The following ESRRB variants were observed in gnomAD, a reference collection of about 807,000 sequenced individuals.
ESRRB encodes estrogen related receptor beta, also known as steroid hormone receptor ERR2.
A neutral mutation model predicts 46.0 loss-of-function variants in ESRRB; 16 were observed. That is an observed-to-expected ratio of 0.35 (90% CI 0.24 to 0.53). ESRRB has a LOEUF of 0.53. Ranked by LOEUF, ESRRB falls within the 20% of genes least tolerant of loss-of-function variation. The probability of loss-of-function intolerance (pLI) is 0.93; values close to 1 mark genes in which losing one functional copy is unlikely to be tolerated. For missense variants in ESRRB, 488 were observed against 607.4 expected (o/e 0.80, Z 2.07); for synonymous variants, 246 against 259.6 (o/e 0.95, Z 0.50).
chr14:76,347,672 T>G (rs1428123108), intron 1 of ESRRB, among the ~76,000 whole-genome samples: 1 of 100,010 alleles, frequency 1.0e-5, no homozygotes, highest in Non-Finnish European at 2.1e-5. Flanking sequence ...TTGTCCAAAG[T>G]TGTACAGCTA....
At position 76,455,175 on chromosome 14, in the gene ESRRB, C is replaced by T. The variant is rs187391475; in HGVS notation, c.461-7370C>T. On this transcript the variant is annotated intron_variant, in intron 2 of 6. Coordinates refer to ENST00000644823, the MANE Select transcript of ESRRB (RefSeq NM_001379180.1). Reference sequence around the variant, plus strand: ...GAGGCTGCAGTGAGCCAAGATTATGCCACTGTCCTCCAGCCTGGGCGACAG... The same window carrying T: ...GAGGCTGCAGTGAGCCAAGATTATGTCACTGTCCTCCAGCCTGGGCGACAG... Among the ~76,000 whole-genome samples the T allele has an allele frequency of 1.1e-3, 164 of 152,260 alleles. 1 individual carries two copies. In the East Asian group the frequency reaches 0.021, roughly 20 times the overall value.
chr14:76,336,075 G>A (rs773317319), intron 1 of ESRRB, among the ~76,000 whole-genome samples: 7 of 152,178 alleles, frequency 4.6e-5, no homozygotes, highest in Non-Finnish European at 8.8e-5. Flanking sequence ...CTGTAAACAC[G>A]CCGTGTCATC....
At chr14:76,375,504 G>A (rs1327884473), upstream of ESRRB, among the ~76,000 whole-genome samples, 1 of 152,144 alleles carries the variant, frequency 6.6e-6, no homozygotes, top group Non-Finnish European at 1.5e-5. Flanking sequence ...CCAATGACTA[G>A]AGCATCACTT....
chr14:76,444,868 G>T (rs12435564), intron 2 of ESRRB, among the ~76,000 whole-genome samples: 11,680 of 152,082 alleles, frequency 0.077, 607 homozygotes, highest in East Asian at 0.26. Context: ...TGCTTGGAAA[G>T]CTCTGAAAAT....
intron 1 of ESRRB, among the ~76,000 whole-genome samples, chr14:76,420,974 T>G (rs996777165): frequency 1.3e-5 from 2 of 152,130 alleles, no homozygotes; most frequent in African/African-American, 4.8e-5. Flanking sequence ...CCCTGCAGTG[T>G]CTCACTGAGC....
chr14:76,376,129 T>C (rs922284674), upstream of ESRRB: 2 of 325,934 alleles, frequency 6.1e-6, no homozygotes, highest in African/African-American at 4.3e-5. This position sits in a 1 kb window ranked among gnomAD's most constrained non-coding sequence, Gnocchi z 4.1. Flanking sequence ...GTAGGGTTAG[T>C]GGGCTCCAAG....
chr14:76,450,998 T>G (rs1888360399), intron 2 of ESRRB, among the ~76,000 whole-genome samples: 1 of 152,136 alleles, frequency 6.6e-6, no homozygotes, highest in African/African-American at 2.4e-5. Context: ...AGGATGCCAG[T>G]CAGAATGTGG....
Position 76,376,451 on chromosome 14 carries a change from A to C in ESRRB, c.50A>C (p.Gln17Pro). 1 of 1,231,328 alleles carries C rather than the reference A, an allele frequency of 8.1e-7. No individual in the cohort carries two copies. The highest frequency in any genetic ancestry group is 1.0e-6 in the Non-Finnish European group (1 of 987,884). The allele number at this position is 1,231,328 out of a possible 1,614,324, so 76.3% of individuals were successfully genotyped here. Residue 17 changes from glutamine (Q) to proline (P), a missense_variant and splice_region_variant, in exon 1 of 7, where the codon CAG becomes CCG. Gln to Pro is a moderately conservative substitution (Grantham distance 76). Transcript: ENST00000644823. This position sits in a 1 kb window ranked among gnomAD's most constrained non-coding sequence, Gnocchi z 4.1. ...CCGGACCCCCTCGGCTACCACAACCAGTAGGTGCCCTGCTTCTCGGTCTGT... is the reference window on the plus strand; with the variant it reads ...CCGGACCCCCTCGGCTACCACAACCCGTAGGTGCCCTGCTTCTCGGTCTGT... ...CIPDPLGYHNQLLNRMSSDDR... is the reference protein window; with the variant it reads ...CIPDPLGYHNPLLNRMSSDDR...
upstream of ESRRB, among the ~76,000 whole-genome samples, chr14:76,372,276 G>A (rs1884643778): frequency 6.6e-6 from 1 of 152,102 alleles, no homozygotes; most frequent in South Asian, 2.1e-4. Flanking sequence ...AGTGGGCTAG[G>A]CTGTGTGTGA....
intron 1 of ESRRB, among the ~76,000 whole-genome samples, chr14:76,389,097 T>A (rs1456530866): frequency 6.6e-6 from 1 of 152,088 alleles, no homozygotes. Flanking sequence ...CATTGTTGAG[T>A]CCCCTCCTAC....
At chr14:76,403,365 A>T (rs1221730891) in intron 1 of ESRRB, among the ~76,000 whole-genome samples, 4 of 152,164 alleles carry the variant, frequency 2.6e-5, no homozygotes, top group Admixed American at 2.6e-4. Context: ...TATAGGCAAA[A>T]ACAAAACAGA....
intron 5 of ESRRB, among the ~76,000 whole-genome samples, chr14:76,489,305 G>A (rs1890128813): frequency 6.6e-6 from 1 of 151,848 alleles, no homozygotes; most frequent in Non-Finnish European, 1.5e-5. Context: ...GTTAATTAAT[G>A]TTGCCCAAGG....
At chr14:76,405,640 C>T (rs1886154212) in intron 1 of ESRRB, among the ~76,000 whole-genome samples, 1 of 151,930 alleles carries the variant, frequency 6.6e-6, no homozygotes, top group South Asian at 2.1e-4. Context: ...TCGGGATTTG[C>T]ACATGGCCTG....
chr14:76,316,492 C>T lies in ESRRB; in HGVS notation c.2+5576C>T, dbSNP rs563015908. 4.2e-3 allele frequency among the ~76,000 whole-genome samples: 638 copies of T among 151,898 alleles called. 7 individuals are homozygous for T. Among genetic ancestry groups the T allele is most frequent in the African/African-American group, 0.015 (605 of 41,388 alleles). ...ATCTCCCTTTTTGCCTCATTATTCA[C>T]CTTTGAAATTCCCCAGTGCCTAGTG... On this transcript the variant is annotated intron_variant, in intron 1 of 6. Transcript: ENST00000512784.
chr14:76,486,352 A>G (rs1248138870), intron 5 of ESRRB, among the ~76,000 whole-genome samples: 2 of 152,144 alleles, frequency 1.3e-5, no homozygotes, highest in Admixed American at 1.3e-4. Flanking sequence ...AGGCCTCCTC[A>G]CAAAAGTCCC....
At chr14:76,447,774 C>T (rs535871091) in intron 2 of ESRRB, among the ~76,000 whole-genome samples, 3 of 152,222 alleles carry the variant, frequency 2.0e-5, no homozygotes, top group South Asian at 4.1e-4. Flanking sequence ...CATTCTCCCT[C>T]CTTCAGATCA....
At chr14:76,498,032 T>G (rs1392707951) in intron 6 of ESRRB, among the ~76,000 whole-genome samples, 182 bp from the exon 7 acceptor site, 1 of 152,134 alleles carries the variant, frequency 6.6e-6, no homozygotes, top group African/African-American at 2.4e-5. Flanking sequence ...TCCCTGGGTT[T>G]GAGTCCCAGC....
Position 76,500,963 on chromosome 14 carries a change from T to C in ESRRB, c.*2505T>C. The C allele has an allele frequency of 3.5e-6, 2 of 572,882 alleles. No individual in the cohort carries two copies. 35.5% of individuals were successfully genotyped at this position (572,882 alleles called of 1,614,324 possible). Reference sequence around the variant, plus strand: ...AGTTCCTGGTACTGAAGGGGTCCATTGGACACTCAGAAAAGAAGTTCAGGG... The same window carrying C: ...AGTTCCTGGTACTGAAGGGGTCCATCGGACACTCAGAAAAGAAGTTCAGGG... On this transcript the variant is annotated 3_prime_UTR_variant, in exon 7 of 7. Coordinates refer to ENST00000644823, the MANE Select transcript of ESRRB (RefSeq NM_001379180.1).
chr14:76,356,799 A>G (rs1008277883), intron 1 of ESRRB, among the ~76,000 whole-genome samples: 2 of 152,184 alleles, frequency 1.3e-5, no homozygotes, highest in African/African-American at 4.8e-5. Flanking sequence ...TGGTCCTGCA[A>G]TTGTTCTGCG....
Sources: gnomAD v4.1 joint callset for allele counts (sites outside exome capture counted in the v4.1 genomes callset) on GRCh38, gnomAD v4.1.1 for gene constraint, Gnocchi (gnomAD v3.1) non-coding constraint, MANE v1.5 for transcripts, NCBI Gene and HGNC (gene_info 2026-07-23, HGNC 2026-07-21) for gene names.